ABCB5: variants seen among roughly 807,000 people sequenced by gnomAD.
ABCB5 encodes the protein ATP binding cassette subfamily B member 5, also known as ATP-binding cassette sub-family B member 5.
ABCB5 carries 155 observed loss-of-function variants against 144.2 expected under a neutral mutation model. The ratio of observed to expected loss-of-function variants is 1.08; its 90% CI spans 0.94 to 1.23. ABCB5 has a LOEUF of 1.23. Among genes scored for constraint, ABCB5 ranks in the 50% most tolerant of loss-of-function variants. The pLI, the probability that ABCB5 is intolerant of heterozygous loss-of-function variation, is 0.00. For missense variants in ABCB5, 1,830 were observed against 1,520.8 expected, an observed-to-expected ratio of 1.20 and a Z score of -3.38; for synonymous variants, 610 against 528.6, an observed-to-expected ratio of 1.15 and a Z score of -2.11.
At chr7:20,663,028 G>T (rs1465498742) in intron 14 of ABCB5, among the ~76,000 whole-genome samples, 1 of 152,180 alleles carries the variant, frequency 6.6e-6, no homozygotes, top group Non-Finnish European at 1.5e-5. Context: ...CTGTTTTACA[G>T]TTGAGCTGTA....
intron 27 of ABCB5, among the ~76,000 whole-genome samples, chr7:20,754,628 C>A (rs139335261): frequency 2.6e-5 from 4 of 152,230 alleles, no homozygotes; most frequent in African/African-American, 9.6e-5. Context: ...AGTTCTACAG[C>A]TAAATCCTAC....
At position 20,628,798 on chromosome 7, in the gene ABCB5, T is replaced by G; in HGVS notation, c.219T>G (p.Ser73Arg). The G allele has an allele frequency of 6.2e-7, 1 of 1,613,744 alleles. No homozygotes were observed. The highest frequency in any genetic ancestry group is 8.5e-7 in the Non-Finnish European group (1 of 1,179,796). The change falls in exon 4 of 28, where the codon AGT (serine) becomes AGG (arginine). Residue 73 changes from serine to arginine, a missense_variant. Physicochemically the swap from Ser to Arg is moderately radical, Grantham distance 110 (BLOSUM62 -1). Transcript: ENST00000404938. ...PLMPLVLGEM[S>R]DNLISGCLVQ... ...TGCCACTGGTTTTAGGAGAAATGAG[T>G]GATAACCTTATTAGTGGATGTCTAG...
At chr7:20,668,578 C>G (rs1785310503) in intron 14 of ABCB5, among the ~76,000 whole-genome samples, 1 of 147,788 alleles carries the variant, frequency 6.8e-6, no homozygotes, top group Non-Finnish European at 1.5e-5. Context: ...GCCACCCCGT[C>G]CGGGAGGGAG....
At chr7:20,636,688 G>A (rs560828786) in intron 5 of ABCB5, among the ~76,000 whole-genome samples, 2 of 150,530 alleles carry the variant, frequency 1.3e-5, no homozygotes, top group Non-Finnish European at 2.9e-5. Flanking sequence ...GGAAAGTTGA[G>A]GCAGGAGAAT....
chr7:20,656,538 T>C (rs1784796819), intron 13 of ABCB5, among the ~76,000 whole-genome samples: 1 of 152,106 alleles, frequency 6.6e-6, no homozygotes, highest in Non-Finnish European at 1.5e-5. Context: ...ACCAGAGAAC[T>C]CTAAAATAAA....
intron 5 of ABCB5, among the ~76,000 whole-genome samples, chr7:20,642,107 G>T (rs1329324082): frequency 6.6e-6 from 1 of 152,104 alleles, no homozygotes; most frequent in Non-Finnish European, 1.5e-5. Context: ...AGAGAAGCTG[G>T]AGTGGTCTTT....
chr7:20,649,930 T>G lies in ABCB5; in HGVS notation c.1207-92T>G, dbSNP rs2188595. The G allele has an allele frequency of 3.5e-5, 48 of 1,375,196 alleles. No individual in the cohort carries two copies. The African/African-American group carries it at 5.9e-4, about 17-fold the overall frequency. 85.2% of individuals were successfully genotyped at this position (1,375,196 alleles called of 1,614,324 possible). ...CTAAATTTGTTTTTAGAAGAATTTGTTTTTGGTTATAATTATGTACTCATT... is the reference window on the plus strand; with the variant it reads ...CTAAATTTGTTTTTAGAAGAATTTGGTTTTGGTTATAATTATGTACTCATT... On this transcript the variant is annotated intron_variant, in intron 11 of 27. Coordinates refer to ENST00000404938, the MANE Select transcript of ABCB5 (RefSeq NM_001163941.2).
chr7:20,618,224 A>G (rs1381401990), intron 1 of ABCB5, among the ~76,000 whole-genome samples: 2 of 152,158 alleles, frequency 1.3e-5, no homozygotes, highest in Admixed American at 1.3e-4. Context: ...TCCTCCACCC[A>G]GCAACTACTA....
intron 16 of ABCB5, among the ~76,000 whole-genome samples, chr7:20,697,245 A>T (rs1246506640): frequency 6.6e-6 from 1 of 152,200 alleles, no homozygotes; most frequent in African/African-American, 2.4e-5. Flanking sequence ...AGGCATCAGA[A>T]TTTCAAAGTT....
intron 23 of ABCB5, among the ~76,000 whole-genome samples, chr7:20,736,800 G>C (rs563520349): frequency 6.6e-6 from 1 of 152,338 alleles, no homozygotes; most frequent in East Asian, 1.9e-4. Flanking sequence ...GGTCTGATTA[G>C]GTAAGGACAA....
At chr7:20,711,857 C>CTT (rs1562573868) in intron 20 of ABCB5, among the ~76,000 whole-genome samples, 1 of 70,466 alleles carries the variant, frequency 1.4e-5, no homozygotes, top group African/African-American at 6.0e-5. Flanking sequence ...TTCTTTCTTT[C>CTT]TTTCCTTCCT....
At chr7:20,669,701 A>G (rs1274988515) in intron 14 of ABCB5, among the ~76,000 whole-genome samples, 1 of 131,872 alleles carries the variant, frequency 7.6e-6, no homozygotes, top group Non-Finnish European at 1.6e-5. Flanking sequence ...CCCCTCTGCG[A>G]GAAACACCCA....
At chr7:20,626,418 A>T in intron 2 of ABCB5, 139 bp from the exon 3 acceptor site, 1 of 638,572 alleles carries the variant, frequency 1.6e-6, no homozygotes, top group Non-Finnish European at 2.6e-6. Context: ...GTCTATCATT[A>T]AGTTTATTTT....
At chr7:20,738,771 G>C (rs952233093) in intron 23 of ABCB5, among the ~76,000 whole-genome samples, 3 of 152,020 alleles carry the variant, frequency 2.0e-5, no homozygotes, top group African/African-American at 7.3e-5. Flanking sequence ...GATTACCCAA[G>C]CTCCAAAGTT....
At chr7:20,667,054 A>G in intron 14 of ABCB5, 1 of 551,890 alleles carries the variant, frequency 1.8e-6, no homozygotes, top group Non-Finnish European at 2.5e-6. Context: ...TTTTTCTAGT[A>G]CACTTGATAG....
At chr7:20,617,474 C>T (rs996658944) in intron 1 of ABCB5, among the ~76,000 whole-genome samples, 1 of 152,064 alleles carries the variant, frequency 6.6e-6, no homozygotes, top group African/African-American at 2.4e-5. Context: ...GTATTTTAAA[C>T]TTTATTTTTA....
intron 5 of ABCB5, among the ~76,000 whole-genome samples, chr7:20,634,794 A>G (rs1364080054): frequency 2.0e-5 from 3 of 152,016 alleles, no homozygotes; most frequent in Non-Finnish European, 2.9e-5. Context: ...TTCCTTGTAG[A>G]TTCTAGATAT....
intron 26 of ABCB5, among the ~76,000 whole-genome samples, chr7:20,746,830 T>G (rs992049164): frequency 6.6e-6 from 1 of 152,224 alleles, no homozygotes; most frequent in Non-Finnish European, 1.5e-5. Flanking sequence ...GATATTTTCA[T>G]GTAGGGGCGA....
rs75563109 is a variant in ABCB5 at position 20,747,885 on chromosome 7, G to A, written c.3429+2447G>A. 7.5e-4 allele frequency among the ~76,000 whole-genome samples: 114 copies of A among 152,184 alleles called. No homozygotes were observed. The East Asian group carries it at 0.02, about 26-fold the overall frequency. Reference sequence around the variant, plus strand: ...AAGCTGCATATTACTAAATGCCTTCGGTTAGTACCCTGGGGAGAATAAGGC... The same window carrying A: ...AAGCTGCATATTACTAAATGCCTTCAGTTAGTACCCTGGGGAGAATAAGGC... On this transcript the variant is annotated intron_variant, in intron 26 of 27. Transcript: ENST00000404938.
Sources: allele counts gnomAD v4.1 joint callset (sites outside exome capture counted in the v4.1 genomes callset), GRCh38; gene constraint gnomAD v4.1.1; transcripts MANE v1.5; gene names NCBI Gene and HGNC (gene_info 2026-07-23, HGNC 2026-07-21).